The following LRRC37A2 variants were observed in gnomAD, a reference collection of about 807,000 sequenced individuals.
LRRC37A2 encodes the protein leucine rich repeat containing 37 member A2.
A neutral mutation model predicts 68.8 loss-of-function variants in LRRC37A2; 9 were observed. The observed-to-expected ratio is 0.13, with a 90% CI of 0.08 to 0.23. The LOEUF (loss-of-function observed/expected upper bound fraction) is 0.23, where lower values mean the gene tolerates loss of function less well. Among genes scored for constraint, LRRC37A2 ranks in the 10% least tolerant of loss-of-function variants. The pLI, the probability that LRRC37A2 is intolerant of heterozygous loss-of-function variation, is 1.00. For missense variants in LRRC37A2, 168 were observed against 950.4 expected, an observed-to-expected ratio of 0.18 and a Z score of 10.82; for synonymous variants, 63 against 367.6, an observed-to-expected ratio of 0.17 and a Z score of 9.48.
At chr17:46,828,250 G>T in the LRRC37A2 span, among the ~76,000 whole-genome samples, 4 of 151,798 alleles carry the variant, frequency 2.6e-5, no homozygotes, top group Non-Finnish European at 5.9e-5. Flanking sequence ...AGACTGGAGT[G>T]CAGCAGCACA....
chr17:46,979,088 T>C, the LRRC37A2 span: 4 of 1,267,958 alleles, frequency 3.2e-6, no homozygotes, highest in Admixed American at 8.5e-5. Flanking sequence ...TCAGGGACGC[T>C]CCGGACCCCT....
At chr17:46,942,713 G>T in the LRRC37A2 span, among the ~76,000 whole-genome samples, 10 of 152,242 alleles carry the variant, frequency 6.6e-5, no homozygotes, top group Non-Finnish European at 1.0e-4. Context: ...CCTAGGGGGC[G>T]GCATAGCCCT....
the LRRC37A2 span, chr17:46,818,641 G>A: frequency 1.3e-6 from 2 of 1,535,732 alleles, no homozygotes; most frequent in Admixed American, 3.8e-5. Context: ...ACCATGAAGA[G>A]GGGGAGCGAC....
chr17:46,775,565 G>A, the LRRC37A2 span, among the ~76,000 whole-genome samples: 1 of 151,210 alleles, frequency 6.6e-6, no homozygotes, highest in Non-Finnish European at 1.5e-5. Context: ...CAGGTCTTAA[G>A]CACTGAGCTT....
the LRRC37A2 span, among the ~76,000 whole-genome samples, chr17:46,785,449 G>C: frequency 1.3e-5 from 2 of 152,370 alleles, no homozygotes; most frequent in African/African-American, 4.8e-5. Flanking sequence ...ACGGAGAAAA[G>C]ATAACCAAGG....
chr17:46,793,001 A>G, the LRRC37A2 span, among the ~76,000 whole-genome samples: 4 of 151,916 alleles, frequency 2.6e-5, no homozygotes, highest in African/African-American at 7.3e-5. Context: ...GAGGTGGCTC[A>G]CACCTGTAAA....
At chr17:46,825,578 A>G in the LRRC37A2 span, among the ~76,000 whole-genome samples, 1 of 152,186 alleles carries the variant, frequency 6.6e-6, no homozygotes, top group Non-Finnish European at 1.5e-5. Context: ...CATTTCTTCA[A>G]CGCATCTTCA....
the LRRC37A2 span, among the ~76,000 whole-genome samples, chr17:46,867,980 G>T: frequency 1.3e-5 from 2 of 152,118 alleles, no homozygotes. Flanking sequence ...CAGACTGGGG[G>T]CAGCAAGGGG....
chr17:46,763,206 C>G, the LRRC37A2 span: 8 of 152,114 alleles, frequency 5.3e-5, no homozygotes, highest in Non-Finnish European at 1.2e-4. Flanking sequence ...CTGCTCATTC[C>G]CCTGCTGCAT....
At chr17:46,934,578 T>G in the LRRC37A2 span, among the ~76,000 whole-genome samples, 1 of 152,160 alleles carries the variant, frequency 6.6e-6, no homozygotes, top group Non-Finnish European at 1.5e-5. Flanking sequence ...ACTCTCAGTC[T>G]ACTTGGAGAG....
the LRRC37A2 span, among the ~76,000 whole-genome samples, chr17:46,729,857 G>GT: frequency 4.2e-4 from 63 of 151,372 alleles, no homozygotes; most frequent in African/African-American, 1.4e-3. Context: ...TTTTTCTGGA[G>GT]TTTTTTTTTA....
At chr17:46,545,370 G>T (rs1236553866) in intron 8 of LRRC37A2, among the ~76,000 whole-genome samples, 1 of 136,676 alleles carries the variant, frequency 7.3e-6, no homozygotes, top group Non-Finnish European at 1.5e-5. Context: ...AGGATCCCTT[G>T]AGCCCAGGGG....
chr17:46,812,422 ATC>A, the LRRC37A2 span, among the ~76,000 whole-genome samples: 7 of 151,926 alleles, frequency 4.6e-5, no homozygotes, highest in Admixed American at 3.9e-4. Context: ...CTTCTGAATC[ATC>A]TCTCAGCTCC....
chr17:46,918,311 C>T, the LRRC37A2 span, among the ~76,000 whole-genome samples: 2 of 152,210 alleles, frequency 1.3e-5, no homozygotes, highest in Non-Finnish European at 2.9e-5. Flanking sequence ...ATCTCTTGAC[C>T]TCGTGATCCG....
the LRRC37A2 span, among the ~76,000 whole-genome samples, chr17:46,792,821 G>A: frequency 2.6e-5 from 4 of 152,308 alleles, no homozygotes; most frequent in South Asian, 8.3e-4. Context: ...GCCTGACTAT[G>A]TGCCAGTTGC....
the LRRC37A2 span, among the ~76,000 whole-genome samples, chr17:46,884,435 A>G: frequency 6.6e-6 from 1 of 152,242 alleles, no homozygotes; most frequent in South Asian, 2.1e-4. Context: ...GGCACACAGG[A>G]GATCCTCAAG....
the LRRC37A2 span, among the ~76,000 whole-genome samples, chr17:46,863,686 T>G: frequency 6.6e-6 from 1 of 152,122 alleles, no homozygotes; most frequent in Admixed American, 6.5e-5. Flanking sequence ...ATGAGGGCTT[T>G]TGGACTGGGA....
the LRRC37A2 span, among the ~76,000 whole-genome samples, chr17:46,811,376 C>T: frequency 0.17 from 25,954 of 151,940 alleles, 2,985 homozygotes; most frequent in Non-Finnish European, 0.25. Flanking sequence ...CTGCACCCAG[C>T]GGCATTGGGG....
the LRRC37A2 span, among the ~76,000 whole-genome samples, chr17:46,694,295 G>C: frequency 1.4e-5 from 2 of 138,978 alleles, no homozygotes; most frequent in Non-Finnish European, 3.0e-5. Context: ...GCTGAGATAG[G>C]AGAATCGCCT....
Sources: allele counts gnomAD v4.1 joint callset (sites outside exome capture counted in the v4.1 genomes callset), GRCh38; gene constraint gnomAD v4.1.1; transcripts MANE v1.5; gene names NCBI Gene and HGNC (gene_info 2026-07-23, HGNC 2026-07-21).